Variants in ESRRG observed in about 807,000 individuals in gnomAD.
The protein encoded by ESRRG is estrogen related receptor gamma.
In ESRRG, 13 loss-of-function variants were observed where a neutral mutation model predicts 44.0. The ratio of observed to expected loss-of-function variants is 0.30; its 90% CI spans 0.19 to 0.47. The LOEUF (loss-of-function observed/expected upper bound fraction) is 0.47, where lower values mean the gene tolerates loss of function less well. Ranked by LOEUF, ESRRG falls within the 20% of genes least tolerant of loss-of-function variation. The pLI, the probability that ESRRG is intolerant of heterozygous loss-of-function variation, is 1.00. For missense variants in ESRRG, 395 were observed against 580.6 expected (o/e 0.68, Z 3.29); for synonymous variants, 215 against 214.6 (o/e 1.00, Z -0.02).
intron 2 of ESRRG, among the ~76,000 whole-genome samples, chr1:216,890,369 C>T (rs1457673720): frequency 1.3e-5 from 2 of 152,098 alleles, no homozygotes; most frequent in African/African-American, 4.8e-5. Context: ...TCATTTTGTC[C>T]TTATGAATGA....
At chr1:216,982,571 A>C (rs1229470932) in intron 1 of ESRRG, among the ~76,000 whole-genome samples, 1 of 152,208 alleles carries the variant, frequency 6.6e-6, no homozygotes, top group Non-Finnish European at 1.5e-5. Context: ...ATGGTTTTAT[A>C]AAACACCTTC....
intron 1 of ESRRG, among the ~76,000 whole-genome samples, chr1:217,042,519 A>C (rs2084068068): frequency 7.4e-6 from 1 of 134,388 alleles, no homozygotes; most frequent in Non-Finnish European, 1.6e-5. Flanking sequence ...CACACACTGC[A>C]TGTGCTCTGA....
At chr1:216,715,306 A>G (rs1338373746) in intron 1 of ESRRG, 1 of 890,330 alleles carries the variant, frequency 1.1e-6, no homozygotes, top group Non-Finnish European at 1.3e-6. Context: ...AACTGTATAC[A>G]GTCACTTTCT....
chr1:216,709,660 C>T (rs2083198233), intron 1 of ESRRG, among the ~76,000 whole-genome samples: 1 of 151,066 alleles, frequency 6.6e-6, no homozygotes, highest in South Asian at 2.1e-4. Flanking sequence ...GATTTTTTTG[C>T]CAGCTTTTTT....
At chr1:216,791,697 A>G (rs770630285) in intron 2 of ESRRG, among the ~76,000 whole-genome samples, 8 of 152,162 alleles carry the variant, frequency 5.3e-5, no homozygotes, top group African/African-American at 1.2e-4. Flanking sequence ...TTTATTATTC[A>G]TAGTTTGTAC....
chr1:216,588,553 G>T (rs184434986), intron 3 of ESRRG, among the ~76,000 whole-genome samples: 1 of 152,096 alleles, frequency 6.6e-6, no homozygotes, highest in Admixed American at 6.6e-5. Context: ...CAAGCGATTC[G>T]TTAATGTTTA....
At chr1:216,993,264 T>C (rs1427879061) in intron 1 of ESRRG, among the ~76,000 whole-genome samples, 1 of 152,152 alleles carries the variant, frequency 6.6e-6, no homozygotes, top group East Asian at 1.9e-4. Flanking sequence ...CATGCAAACA[T>C]GTGTTGAATA....
intron 1 of ESRRG, among the ~76,000 whole-genome samples, chr1:217,055,231 G>T (rs1034230188): frequency 1.3e-5 from 2 of 152,062 alleles, no homozygotes; most frequent in African/African-American, 4.8e-5. Flanking sequence ...GTGAGGTGTT[G>T]TGCTGAACCC....
intron 1 of ESRRG, among the ~76,000 whole-genome samples, chr1:216,960,126 G>T (rs563437744): frequency 8.2e-6 from 1 of 122,540 alleles, no homozygotes; most frequent in East Asian, 2.0e-4. Flanking sequence ...GAAGAATAAA[G>T]TCTGTAATGT....
intron 2 of ESRRG, among the ~76,000 whole-genome samples, chr1:216,837,609 A>ATCTCAGATTC (rs2095588042): frequency 6.6e-6 from 1 of 152,120 alleles, no homozygotes; most frequent in African/African-American, 2.4e-5. Flanking sequence ...TCCCCTGGTC[A>ATCTCAGATTC]TCAAGAGAAT....
chr1:216,968,907 T>C (rs1478271854), intron 1 of ESRRG, among the ~76,000 whole-genome samples: 3 of 152,154 alleles, frequency 2.0e-5, no homozygotes, highest in African/African-American at 7.2e-5. Flanking sequence ...GTAGTTTTCT[T>C]TGTACAGCTC....
intron 2 of ESRRG, among the ~76,000 whole-genome samples, chr1:216,775,178 G>A (rs2093554819): frequency 6.6e-6 from 1 of 151,732 alleles, no homozygotes; most frequent in Non-Finnish European, 1.5e-5. Context: ...TAGCAATATC[G>A]CCCTATTTCC....
At chr1:217,001,184 A>C (rs2150649579) in intron 1 of ESRRG, among the ~76,000 whole-genome samples, 1 of 152,318 alleles carries the variant, frequency 6.6e-6, no homozygotes, top group Non-Finnish European at 1.5e-5. Context: ...AATACACCTT[A>C]GTGGAAGCTG....
At chr1:216,652,207 A>C (rs527279542) in intron 2 of ESRRG, among the ~76,000 whole-genome samples, 1 of 152,194 alleles carries the variant, frequency 6.6e-6, no homozygotes, top group South Asian at 2.1e-4. Context: ...TGTTTGCAAA[A>C]CTCAGGGTCC....
At chr1:216,659,161 C>T (rs916203308) in intron 2 of ESRRG, among the ~76,000 whole-genome samples, 2 of 152,144 alleles carry the variant, frequency 1.3e-5, no homozygotes, top group Non-Finnish European at 2.9e-5. Context: ...ACTGTCTTAA[C>T]ATCCCATTTA....
upstream of ESRRG, among the ~76,000 whole-genome samples, chr1:216,724,531 T>G (rs2087078573): frequency 6.6e-6 from 1 of 152,018 alleles, no homozygotes; most frequent in African/African-American, 2.4e-5. Context: ...ACACATTTGT[T>G]TCTATACATA....
At chr1:216,739,137 G>T (rs185415880) in intron 2 of ESRRG, among the ~76,000 whole-genome samples, 1 of 151,832 alleles carries the variant, frequency 6.6e-6, no homozygotes, top group African/African-American at 2.4e-5. Context: ...TGTTTTCTTC[G>T]TATTTATCTG....
At chr1:217,031,569 A>C (rs1317951337) in intron 1 of ESRRG, among the ~76,000 whole-genome samples, 1 of 152,200 alleles carries the variant, frequency 6.6e-6, no homozygotes, top group Non-Finnish European at 1.5e-5. Context: ...ACTTTAATCT[A>C]ATTTTGTAGC....
chr1:216,738,821 CT>C (rs1404718134), intron 2 of ESRRG, among the ~76,000 whole-genome samples: 1 of 152,074 alleles, frequency 6.6e-6, no homozygotes, highest in Non-Finnish European at 1.5e-5. Context: ...CTTACTTATC[CT>C]TTTTAAAAAT....
Sources: allele counts gnomAD v4.1 joint callset (sites outside exome capture counted in the v4.1 genomes callset), GRCh38; gene constraint gnomAD v4.1.1; transcripts MANE v1.5; gene names NCBI Gene and HGNC (gene_info 2026-07-23, HGNC 2026-07-21).